Variants in ABCC4 observed in about 807,000 individuals in gnomAD.
ABCC4 encodes ATP binding cassette subfamily C member 4 (PEL blood group), also known as ATP-binding cassette sub-family C member 4.
ABCC4 carries 102 observed loss-of-function variants against 168.5 expected under a neutral mutation model. That is an observed-to-expected ratio of 0.61 (90% CI 0.52 to 0.71). The LOEUF is 0.71. Among genes scored for constraint, ABCC4 ranks in the 30% least tolerant of loss-of-function variants. The pLI is 0.00. For synonymous variants in ABCC4, 617 were observed against 590.7 expected (o/e 1.04, Z -0.65); for missense variants, 1,402 against 1,605.8 (o/e 0.87, Z 2.17).
rs2032040667 is a variant in ABCC4, at chr13:95,034,636, T to C, written c.3839A>G (p.Glu1280Gly). 6.2e-7 allele frequency: 1 copy of C among 1,614,100 alleles called. No homozygotes were observed. Among genetic ancestry groups the C allele is most frequent in the African/African-American group, 1.3e-5 (1 of 74,954 alleles). Residue 1280 changes from glutamate (E) to glycine (G), a missense_variant, in exon 30 of 31, where the codon GAA (glutamate) becomes GGA (glycine). By Grantham distance (98) the Glu-to-Gly change is moderately conservative (BLOSUM62 -2). Transcript: ENST00000645237. Reference sequence around the variant, plus strand: ...TGCTGTTTCAGTGAGGGCAGCGGCTTCTGCCTTGCCCAGTTGTTGCACCAT... The same window carrying C: ...TGCTGTTTCAGTGAGGGCAGCGGCTCCTGCCTTGCCCAGTTGTTGCACCAT... ...YKMVQQLGKA[E>G]AAALTETAKQ...
At chr13:95,090,984 T>C (rs1285874504) in intron 20 of ABCC4, among the ~76,000 whole-genome samples, 1 of 152,128 alleles carries the variant, frequency 6.6e-6, no homozygotes, top group Non-Finnish European at 1.5e-5. Context: ...CAAAATGCTC[T>C]GGAAAGTCTC....
intron 7 of ABCC4, 147 bp downstream of exon 7, chr13:95,207,653 A>T: frequency 2.6e-6 from 2 of 759,028 alleles, no homozygotes; most frequent in Non-Finnish European, 4.2e-6. Flanking sequence ...CTACCATTCT[A>T]CTTAACCCAA....
chr13:95,211,522 G>T (rs1414172998), intron 4 of ABCC4, among the ~76,000 whole-genome samples: 1 of 152,134 alleles, frequency 6.6e-6, no homozygotes, highest in Non-Finnish European at 1.5e-5. Flanking sequence ...GAAGGAGGAT[G>T]TGGAGGCTGC....
chr13:95,210,886 T>C, intron 4 of ABCC4, 105 bp from the exon 5 acceptor site: 1 of 778,974 alleles, frequency 1.3e-6, no homozygotes, highest in Non-Finnish European at 2.1e-6. Flanking sequence ...CAAGACCAGA[T>C]CTAAGCACAA....
chr13:95,038,058 T>A (rs1248328187), intron 29 of ABCC4, among the ~76,000 whole-genome samples: 1 of 152,170 alleles, frequency 6.6e-6, no homozygotes, highest in Non-Finnish European at 1.5e-5. Context: ...TTTCGCTATG[T>A]TGCCCATGCT....
chr13:95,224,203 CA>C lies in ABCC4; in HGVS notation c.531+10406del, dbSNP rs1265372003. On this transcript the variant is annotated intron_variant, in intron 4 of 30. Coordinates refer to ENST00000645237, the MANE Select transcript of ABCC4 (RefSeq NM_005845.5). ...TATCAAAGAGAAAAAAAAATCAACC[CA>C]AAAAAAAAAAAAGAGAAACATTACA... is the stretch of plus-strand genomic sequence containing the variant. Among the ~76,000 whole-genome samples, 1,080 of 119,202 alleles carry C rather than the reference CA, an allele frequency of 9.1e-3. 12 individuals carry two copies. The highest frequency in any genetic ancestry group is 0.025 in the African/African-American group (828 of 32,944). 78.2% of individuals were successfully genotyped at this position (119,202 alleles called of 152,430 possible).
chr13:95,131,239 T>TA (rs930087497), intron 19 of ABCC4, among the ~76,000 whole-genome samples: 12 of 152,072 alleles, frequency 7.9e-5, no homozygotes, highest in Admixed American at 3.9e-4. Context: ...AGTGTAGGAT[T>TA]AAAAAAAGGG....
chr13:95,136,590 A>T (rs1234233041), intron 19 of ABCC4, among the ~76,000 whole-genome samples: 1 of 152,232 alleles, frequency 6.6e-6, no homozygotes, highest in Non-Finnish European at 1.5e-5. Context: ...GTTACGGATG[A>T]ATTCCACAAA....
intron 8 of ABCC4, among the ~76,000 whole-genome samples, chr13:95,201,841 C>T (rs1475489938): frequency 6.6e-6 from 1 of 152,156 alleles, no homozygotes; most frequent in Non-Finnish European, 1.5e-5. Context: ...GACATGGTGG[C>T]TCACGCCTGT....
At chr13:95,075,405 T>C in intron 22 of ABCC4, 27 bp downstream of exon 22, 5 of 1,613,846 alleles carry the variant, frequency 3.1e-6, no homozygotes, top group Non-Finnish European at 4.2e-6. Context: ...TCCTGTCCTT[T>C]GAAACCATTT....
chr13:95,135,556 G>GCA (rs1192577829), intron 19 of ABCC4, among the ~76,000 whole-genome samples: 1 of 151,776 alleles, frequency 6.6e-6, no homozygotes, highest in Non-Finnish European at 1.5e-5. Flanking sequence ...GGGACTACAA[G>GCA]CACATACCAT....
chr13:95,241,093 G>A (rs7989281), intron 3 of ABCC4, among the ~76,000 whole-genome samples: 84,255 of 151,848 alleles, frequency 0.55, 23,721 homozygotes, highest in Middle Eastern at 0.64. Context: ...GGCCAGGCAC[G>A]ATGGCTCATG....
intron 20 of ABCC4, among the ~76,000 whole-genome samples, chr13:95,084,386 GA>G (rs1192329900): frequency 6.6e-6 from 1 of 152,104 alleles, no homozygotes; most frequent in Non-Finnish European, 1.5e-5. Context: ...TAAAATCCCT[GA>G]ATTTTTCTCT....
intron 9 of ABCC4, among the ~76,000 whole-genome samples, chr13:95,192,722 A>C (rs1320601603): frequency 6.6e-6 from 1 of 152,170 alleles, no homozygotes. Flanking sequence ...ATTCAAGACC[A>C]GCCTGGCCAA....
intron 11 of ABCC4, among the ~76,000 whole-genome samples, chr13:95,183,639 G>A (rs768268738): frequency 4.6e-5 from 7 of 152,202 alleles, no homozygotes; most frequent in Non-Finnish European, 5.9e-5. Flanking sequence ...CTGGTCGTGC[G>A]CAGTGGCTCA....
At chr13:95,113,013 G>A (rs573728675) in intron 20 of ABCC4, among the ~76,000 whole-genome samples, 52 of 152,268 alleles carry the variant, frequency 3.4e-4, no homozygotes, top group Admixed American at 5.2e-4. Context: ...TGCGGTAGAC[G>A]AGGCCTAAAA....
intron 20 of ABCC4, among the ~76,000 whole-genome samples, chr13:95,100,676 A>C (rs2034767449): frequency 6.6e-6 from 1 of 152,214 alleles, no homozygotes; most frequent in East Asian, 1.9e-4. Context: ...TTCACAGACT[A>C]GTCCATCCTT....
chr13:95,063,909 A>C (rs1326924833), intron 25 of ABCC4, among the ~76,000 whole-genome samples: 1 of 152,202 alleles, frequency 6.6e-6, no homozygotes, highest in Admixed American at 6.5e-5. Context: ...CTTATTTAGA[A>C]ATCTGGAGTC....
chr13:95,043,466 G>T (rs1400075686), intron 29 of ABCC4: 2 of 454,556 alleles, frequency 4.4e-6, no homozygotes, highest in Non-Finnish European at 7.8e-6. Context: ...TTTAACATAT[G>T]ATTTTTGCAT....
Sources: allele counts gnomAD v4.1 joint callset (sites outside exome capture counted in the v4.1 genomes callset), GRCh38; gene constraint gnomAD v4.1.1; transcripts MANE v1.5; gene names NCBI Gene and HGNC (gene_info 2026-07-23, HGNC 2026-07-21).